The following BTBD9 variants were observed in gnomAD, a reference collection of about 807,000 sequenced individuals.
The protein encoded by BTBD9 is BTB domain containing 9, also known as BTB/POZ domain-containing protein 9.
In BTBD9, 49 loss-of-function variants were observed where a neutral mutation model predicts 64.3. That is an observed-to-expected ratio of 0.76 (90% CI 0.61 to 0.97). BTBD9 has a LOEUF of 0.97. Among genes scored for constraint, BTBD9 ranks in the 50% least tolerant of loss-of-function variants. The pLI is 0.00. For synonymous variants in BTBD9, 260 were observed against 274.7 expected (o/e 0.95, Z 0.53); for missense variants, 598 against 762.1 (o/e 0.78, Z 2.53).
intron 7 of BTBD9, among the ~76,000 whole-genome samples, chr6:38,293,608 T>C (rs1762044601): frequency 6.6e-6 from 1 of 152,216 alleles, no homozygotes; most frequent in Non-Finnish European, 1.5e-5. Flanking sequence ...GAAAACTGGC[T>C]AGCCACATGC....
chr6:38,426,339 G>A (rs1282905887), intron 6 of BTBD9, among the ~76,000 whole-genome samples: 1 of 151,966 alleles, frequency 6.6e-6, no homozygotes, highest in African/African-American at 2.4e-5. Flanking sequence ...TTGCCTGACA[G>A]CACGGCGGGA....
chr6:38,322,437 G>T (rs1763274289), intron 7 of BTBD9, among the ~76,000 whole-genome samples: 1 of 152,156 alleles, frequency 6.6e-6, no homozygotes, highest in Non-Finnish European at 1.5e-5. Flanking sequence ...TCCCTTTAAA[G>T]ATTAACAGCA....
intron 1 of BTBD9, among the ~76,000 whole-genome samples, chr6:38,625,853 C>G (rs1778144865): frequency 6.6e-6 from 1 of 152,194 alleles, no homozygotes; most frequent in Admixed American, 6.5e-5. Context: ...AAATAAAACA[C>G]ATGAAGGACA....
intron 1 of BTBD9, among the ~76,000 whole-genome samples, chr6:38,635,616 G>A (rs1173331428): frequency 1.3e-5 from 2 of 152,178 alleles, no homozygotes; most frequent in African/African-American, 4.8e-5. Context: ...AGTGGGAATA[G>A]GTTGACATGA....
chr6:38,434,490 C>G (rs1768616558), intron 6 of BTBD9, among the ~76,000 whole-genome samples: 1 of 151,910 alleles, frequency 6.6e-6, no homozygotes, highest in South Asian at 2.1e-4. Flanking sequence ...TGGACCAAAC[C>G]ATTGTATTTC....
At position 38,175,015 on chromosome 6, in the gene BTBD9, G is replaced by A. The variant is rs1470755749; in HGVS notation, c.1809C>T (p.Asn603=). Reference sequence around the variant, plus strand: ...GGTGCTGCCGGTTGGGGGAGCGTGAGTTGGAGCCTGGGCTGGAGGGTAGTG... The same window carrying A: ...GGTGCTGCCGGTTGGGGGAGCGTGAATTGGAGCCTGGGCTGGAGGGTAGTG... ...GSSLPSSPGS[N]SRSPNRQHQ The change falls in exon 11 of 11, where the codon AAC becomes AAT. Residue 603 remains asparagine, a synonymous_variant. Transcript: ENST00000481247. 3 of 1,613,956 alleles carry A rather than the reference G, an allele frequency of 1.9e-6. No homozygotes were observed. The African/African-American group carries it at 4.0e-5, about 22-fold the overall frequency.
At chr6:38,267,803 G>C (rs1765064401) in intron 8 of BTBD9, among the ~76,000 whole-genome samples, 1 of 152,178 alleles carries the variant, frequency 6.6e-6, no homozygotes, top group Admixed American at 6.5e-5. Context: ...AGCTGGGCGA[G>C]GTGGCAGGCG....
chr6:38,542,868 C>T (rs972892019), intron 6 of BTBD9, among the ~76,000 whole-genome samples: 2 of 152,172 alleles, frequency 1.3e-5, no homozygotes, highest in Non-Finnish European at 2.9e-5. Context: ...CTGTTTAATA[C>T]TTTTGTACTA....
At chr6:38,504,960 T>C (rs1036844802) in intron 6 of BTBD9, among the ~76,000 whole-genome samples, 7 of 152,224 alleles carry the variant, frequency 4.6e-5, no homozygotes, top group Non-Finnish European at 8.8e-5. Context: ...TAGCAACCAT[T>C]AATCTAGATG....
chr6:38,196,607 TG>T (rs1762280763), intron 9 of BTBD9, among the ~76,000 whole-genome samples: 1 of 152,236 alleles, frequency 6.6e-6, no homozygotes, highest in African/African-American at 2.4e-5. Flanking sequence ...AATACATTCT[TG>T]TGCATGGCAC....
intron 6 of BTBD9, among the ~76,000 whole-genome samples, chr6:38,380,670 G>C (rs1338878781): frequency 6.6e-6 from 1 of 152,078 alleles, no homozygotes; most frequent in African/African-American, 2.4e-5. Context: ...TCTCTAAAAA[G>C]GAAAAGGAAA....
At chr6:38,232,408 C>G (rs1763639671) in intron 9 of BTBD9, among the ~76,000 whole-genome samples, 1 of 151,926 alleles carries the variant, frequency 6.6e-6, no homozygotes, top group Non-Finnish European at 1.5e-5. Context: ...GTAGCTGGGA[C>G]TATAGGCGGC....
chr6:38,384,994 T>A (rs540364827), intron 6 of BTBD9, among the ~76,000 whole-genome samples: 257 of 151,882 alleles, frequency 1.7e-3, no homozygotes, highest in Admixed American at 3.4e-3. Context: ...TAAGGTCTGC[T>A]TCAGTGTCAA....
chr6:38,526,997 T>C (rs1419236368), intron 6 of BTBD9, among the ~76,000 whole-genome samples: 1 of 152,060 alleles, frequency 6.6e-6, no homozygotes, highest in African/African-American at 2.4e-5. Context: ...AAAAGATGGC[T>C]GGGTGCGGTG....
intron 5 of BTBD9, among the ~76,000 whole-genome samples, chr6:38,578,392 G>A (rs898231136): frequency 1.3e-5 from 2 of 152,210 alleles, no homozygotes; most frequent in Non-Finnish European, 2.9e-5. Flanking sequence ...CAGCTACTCC[G>A]AACCATTACA....
intron 7 of BTBD9, among the ~76,000 whole-genome samples, chr6:38,340,746 G>A (rs573812199): frequency 2.0e-5 from 3 of 152,242 alleles, no homozygotes; most frequent in African/African-American, 7.2e-5. Context: ...AAGGAATGAC[G>A]TATTTGGAAA....
At position 38,551,119 on chromosome 6, in the gene BTBD9, TC is replaced by T. The variant is rs201077578; in HGVS notation, c.1154+26480del. On this transcript the variant is annotated intron_variant, in intron 6 of 10. Coordinates refer to ENST00000481247, the MANE Select transcript of BTBD9 (RefSeq NM_001099272.2). ...CAAACCCACCCCATAAACATCCTCT[TC>T]CCTGCTTTATTTATTTTGTTGTCTC... Among the ~76,000 whole-genome samples, 1,138 of 140,776 alleles carry T rather than the reference TC, an allele frequency of 8.1e-3. 12 individuals are homozygous for T. Among genetic ancestry groups the T allele is most frequent in the African/African-American group, 0.029 (1,082 of 37,750 alleles). The allele number at this position is 140,776 out of a possible 152,430, so 92.4% of individuals were successfully genotyped here.
In BTBD9 at chr6:38,171,706, T is replaced by C. The variant is rs13198420; in HGVS notation, c.*3279A>G. ...ACTGCCCTGCTGGGTGCTGGCTGCA[T>C]GGACACAGCTGCTGCCCAGCACACA... On this transcript the variant is annotated 3_prime_UTR_variant, in exon 11 of 11. Transcript: ENST00000481247. 0.73 allele frequency: 109,050 copies of C among 149,934 alleles called. 40,212 individuals carry two copies. Among genetic ancestry groups the C allele is most frequent in the Non-Finnish European group, 0.78 (52,684 of 67,496 alleles). 9.3% of individuals were successfully genotyped at this position (149,934 alleles called of 1,614,324 possible).
intron 1 of BTBD9, among the ~76,000 whole-genome samples, chr6:38,618,337 C>A (rs909611195): frequency 3.9e-5 from 6 of 152,204 alleles, no homozygotes; most frequent in African/African-American, 1.4e-4. Flanking sequence ...TGCAGCTTGA[C>A]CTTTTCTGTA....
Sources: gnomAD v4.1 joint callset for allele counts (sites outside exome capture counted in the v4.1 genomes callset) on GRCh38, gnomAD v4.1.1 for gene constraint, MANE v1.5 for transcripts, NCBI Gene and HGNC (gene_info 2026-07-23, HGNC 2026-07-21) for gene names.